SLC25A43: variants seen among roughly 807,000 people sequenced by gnomAD.
SLC25A43 encodes solute carrier family 25, member 43.
Under a neutral mutation model 22.8 loss-of-function variants are expected in SLC25A43, and 10 were observed. The observed-to-expected ratio is 0.44, with a 90% CI of 0.27 to 0.74. SLC25A43 has a LOEUF of 0.74. Among genes scored for constraint, SLC25A43 ranks in the 30% least tolerant of loss-of-function variants. The pLI, the probability that SLC25A43 is intolerant of heterozygous loss-of-function variation, is 0.17. For missense variants in SLC25A43, 233 were observed against 279.1 expected (o/e 0.83, Z 1.18); for synonymous variants, 106 against 121.6 (o/e 0.87, Z 0.84).
intron 2 of SLC25A43, among the ~76,000 whole-genome samples, chrX:119,407,006 A>G (rs1187042623): frequency 8.8e-6 from 1 of 113,279 alleles, no homozygotes; most frequent in African/African-American, 3.2e-5. Context: ...GTACATACAC[A>G]TTGATATGCC....
At position 119,452,887 on chromosome X, in the gene SLC25A43, T is replaced by A. The variant is rs757477141; in HGVS notation, c.848T>A (p.Met283Lys). The A allele has an allele frequency of 5.0e-6, 6 of 1,209,724 alleles. No individual in the cohort carries two copies. The Admixed American group carries it at 8.7e-5, about 18-fold the overall frequency. ...CAGATAGTTCCATATTTTGGAATTATGTTTAGCACCTTTGAGTTCTGCAAG... is the reference window on the plus strand; with the variant it reads ...CAGATAGTTCCATATTTTGGAATTAAGTTTAGCACCTTTGAGTTCTGCAAG... Reference protein sequence around the residue: ...LLKIVPYFGIMFSTFEFCKRI... With the variant: ...LLKIVPYFGIKFSTFEFCKRI... The change falls in exon 5 of 5, where the codon ATG (methionine) becomes AAG (lysine). Residue 283 changes from methionine to lysine, a missense_variant. Physicochemically the swap from Met to Lys is moderately conservative, Grantham distance 95. Coordinates refer to ENST00000217909, the MANE Select transcript of SLC25A43 (RefSeq NM_145305.3).
chrX:119,399,476 C>A lies in SLC25A43; in HGVS notation c.73C>A (p.Leu25Ile). ...RLLCAGLAGT[L>I]SLSLTAPLEL... The stretch of plus-strand genomic sequence containing the variant: ...GCTGTGCGCTGGGCTGGCGGGGACG[C>A]TCAGCCTCAGCCTCACCGCGCCCCT... Residue 25 changes from leucine to isoleucine, a missense_variant, in exon 1 of 5, where the codon CTC (leucine) becomes ATC (isoleucine). Transcript: ENST00000217909. 1 of 1,069,642 alleles carries A rather than the reference C, an allele frequency of 9.3e-7. No individual in the cohort carries two copies. The highest frequency in any genetic ancestry group is 1.2e-6 in the Non-Finnish European group (1 of 828,110). The allele number at this position is 1,069,642 out of a possible 1,213,427, so 88.2% of individuals were successfully genotyped here.
chrX:119,409,379 G>C (rs978223902), intron 2 of SLC25A43, among the ~76,000 whole-genome samples: 1 of 107,404 alleles, frequency 9.3e-6, no homozygotes, highest in African/African-American at 3.4e-5. Context: ...TGGAGTTTCC[G>C]TTTTAGTAGA....
At chrX:119,420,064 CA>C (rs2052439118) in intron 3 of SLC25A43, among the ~76,000 whole-genome samples, 1 of 111,949 alleles carries the variant, frequency 8.9e-6, no homozygotes, top group African/African-American at 3.2e-5. Flanking sequence ...ATCCTTACAA[CA>C]GCCCTACAAG....
chrX:119,420,289 CTTT>C (rs58312594), intron 3 of SLC25A43, among the ~76,000 whole-genome samples: 1,747 of 92,261 alleles, frequency 0.019, 34 homozygotes, highest in African/African-American at 0.066. Flanking sequence ...GCGTTAGATC[CTTT>C]TTTTTTTTTT....
At position 119,451,993 on chromosome X, in the gene SLC25A43, TTC is replaced by T. The variant is rs749392267; in HGVS notation, c.691-14_691-13del. On this transcript the variant is annotated splice_polypyrimidine_tract_variant and intron_variant, in intron 3 of 4. Transcript: ENST00000217909. ...AATGTTTCAATCACCTCATCCCAGCTTCTGTTTCCTGTCAGGCTCAGAGCCCC... is the reference window on the plus strand; with the variant it reads ...AATGTTTCAATCACCTCATCCCAGCTTGTTTCCTGTCAGGCTCAGAGCCCC... 39 of 1,210,181 alleles carry T rather than the reference TTC, an allele frequency of 3.2e-5. No homozygotes were observed. Among genetic ancestry groups the T allele is most frequent in the Non-Finnish European group, 4.4e-5 (39 of 894,654 alleles).
chrX:119,425,330 T>G (rs1439844012), intron 3 of SLC25A43, among the ~76,000 whole-genome samples: 1 of 111,711 alleles, frequency 9.0e-6, no homozygotes, highest in Non-Finnish European at 1.9e-5. Flanking sequence ...TAAATTGTTA[T>G]AACTATCCCT....
Position 119,410,321 on chromosome X carries a change from A to C in SLC25A43, c.649A>C (p.Thr217Pro). 1.7e-6 allele frequency: 2 copies of C among 1,210,392 alleles called. No homozygotes were observed. Among genetic ancestry groups the C allele is most frequent in the Non-Finnish European group, 2.2e-6 (2 of 895,146 alleles). The change falls in exon 3 of 5, where the codon ACC becomes CCC. Residue 217 changes from threonine (T) to proline (P), a missense_variant. By Grantham distance (38) the Thr-to-Pro change is conservative. Transcript: ENST00000217909. ...NVCLAAAVTQ[T>P]LSFPFETVKR... Reference sequence around the variant, plus strand: ...CTGTCTGGCTGCTGCAGTGACCCAGACCCTCTCCTTTCCCTTTGAGACCGT... The same window carrying C: ...CTGTCTGGCTGCTGCAGTGACCCAGCCCCTCTCCTTTCCCTTTGAGACCGT...
At position 119,453,020 on chromosome X, in the gene SLC25A43, G is replaced by A; in HGVS notation, c.981G>A (p.Lys327=). ...LQPQELRELK[K]FFKTRKPKPK... ...CCCAGGAATTACGAGAATTAAAGAA[G>A]TTCTTCAAAACGAGAAAACCGAAGC... The change falls in exon 5 of 5, where the codon AAG becomes AAA. Residue 327 remains lysine (K), a synonymous_variant. Coordinates refer to ENST00000217909, the MANE Select transcript of SLC25A43 (RefSeq NM_145305.3). The A allele has an allele frequency of 8.3e-7, 1 of 1,211,516 alleles. No individual in the cohort carries two copies. The highest frequency in any genetic ancestry group is 1.8e-5 in the South Asian group (1 of 56,998).
At chrX:119,405,936 G>A (rs1212004865) in intron 1 of SLC25A43, among the ~76,000 whole-genome samples, 1 of 111,663 alleles carries the variant, frequency 9.0e-6, no homozygotes, top group Admixed American at 9.5e-5. Context: ...TGAGGCTGAG[G>A]CATGAGAATT....
intron 3 of SLC25A43, among the ~76,000 whole-genome samples, chrX:119,428,021 C>T (rs2052522441): frequency 8.9e-6 from 1 of 112,382 alleles, no homozygotes; most frequent in Non-Finnish European, 1.9e-5. Flanking sequence ...TGAGTCAGTA[C>T]TGTTGTTAGC....
chrX:119,432,176 C>T (rs2052559362), intron 3 of SLC25A43, among the ~76,000 whole-genome samples: 1 of 109,213 alleles, frequency 9.2e-6, no homozygotes, highest in Admixed American at 9.8e-5. Context: ...CAAACAGAAG[C>T]TGGAAAACAA....
chrX:119,431,817 A>G (rs1049760813), intron 3 of SLC25A43, among the ~76,000 whole-genome samples: 3 of 111,251 alleles, frequency 2.7e-5, no homozygotes, highest in Non-Finnish European at 5.7e-5. Context: ...ACACCCAGAT[A>G]ACTCATATAA....
intron 3 of SLC25A43, among the ~76,000 whole-genome samples, chrX:119,425,966 G>A (rs1336429660): frequency 9.0e-6 from 1 of 111,297 alleles, no homozygotes; most frequent in Non-Finnish European, 1.9e-5. Context: ...TGACCACCCT[G>A]TGCTGAGCAG....
At chrX:119,443,120 T>C (rs1003056129) in intron 3 of SLC25A43, among the ~76,000 whole-genome samples, 2 of 62,769 alleles carry the variant, frequency 3.2e-5, no homozygotes, top group African/African-American at 1.5e-4. Context: ...CTCTCTCTTT[T>C]TTTTTTTTTT....
chrX:119,410,889 A>G (rs970156768), intron 3 of SLC25A43, among the ~76,000 whole-genome samples: 12 of 100,613 alleles, frequency 1.2e-4, no homozygotes, highest in Non-Finnish European at 2.4e-4. Context: ...ACTATGTCTC[A>G]AAAAAAAGAA....
chrX:119,450,581 T>G (rs1000038278), intron 3 of SLC25A43, among the ~76,000 whole-genome samples: 2 of 111,849 alleles, frequency 1.8e-5, no homozygotes, highest in African/African-American at 3.2e-5. Flanking sequence ...GTGAAGAAAC[T>G]AGGACTAGAA....
rs183210706 is a variant in SLC25A43 at position 119,409,347 on chromosome X, C to T, written c.518-843C>T. 5.8e-3 allele frequency among the ~76,000 whole-genome samples: 621 copies of T among 107,562 alleles called. 6 individuals are homozygous for T. The highest frequency in any genetic ancestry group is 0.02 in the African/African-American group (600 of 29,501). The allele number at this position is 107,562 out of a possible 115,157, so 93.4% of individuals were successfully genotyped here. A position where few individuals can be genotyped will look rare whatever the true frequency, so the allele number is the denominator to read the frequency against. ...AGGCACGCACCTCCACGCCCAGTTA[C>T]TTTTTGTATTTTTAGTAGAGATGGA... On this transcript the variant is annotated intron_variant, in intron 2 of 4. Transcript: ENST00000217909.
At chrX:119,425,050 CAAGTT>C (rs2052490933) in intron 3 of SLC25A43, among the ~76,000 whole-genome samples, 1 of 84,556 alleles carries the variant, frequency 1.2e-5, no homozygotes, top group African/African-American at 4.9e-5. Flanking sequence ...ATGGTTAACT[CAAGTT>C]AGAGAGAGGA....
Sources: allele counts gnomAD v4.1 joint callset (sites outside exome capture counted in the v4.1 genomes callset), GRCh38; gene constraint gnomAD v4.1.1; transcripts MANE v1.5; gene names NCBI Gene and HGNC (gene_info 2026-07-23, HGNC 2026-07-21).